PSME4: variants seen among roughly 807,000 people sequenced by gnomAD.
PSME4 encodes the protein proteasome activator subunit 4.
PSME4 carries 89 observed loss-of-function variants against 253.9 expected under a neutral mutation model. The ratio of observed to expected loss-of-function variants is 0.35; its 90% CI spans 0.30 to 0.42. The LOEUF is 0.42. Among genes scored for constraint, PSME4 ranks in the 10% least tolerant of loss-of-function variants. The pLI is 1.00. For synonymous variants in PSME4, 851 were observed against 759.2 expected, an observed-to-expected ratio of 1.12 and a Z score of -1.99; for missense variants, 2,014 against 2,195.2, an observed-to-expected ratio of 0.92 and a Z score of 1.65.
chr2:53,875,031 T>G (rs1182476902), intron 42 of PSME4, among the ~76,000 whole-genome samples: 1 of 152,200 alleles, frequency 6.6e-6, no homozygotes. Flanking sequence ...CCTCTGAGGA[T>G]GGCACATTAT....
intron 3 of PSME4, 97 bp from the exon 4 acceptor site, chr2:53,940,097 G>T: frequency 1.1e-6 from 1 of 949,190 alleles, no homozygotes; most frequent in South Asian, 2.1e-5. Context: ...CACACATTCA[G>T]GTATTATTTG....
chr2:53,883,121 G>T (rs1679473619), intron 41 of PSME4, among the ~76,000 whole-genome samples: 1 of 152,056 alleles, frequency 6.6e-6, no homozygotes, highest in African/African-American at 2.4e-5. Context: ...CTCTCAAAAG[G>T]CATTTATTTC....
At position 53,948,514 on chromosome 2, in the gene PSME4, G is replaced by C; in HGVS notation, c.407C>G (p.Ala136Gly). 1 of 1,611,940 alleles carries C rather than the reference G, an allele frequency of 6.2e-7. No individual in the cohort carries two copies. Among genetic ancestry groups the C allele is most frequent in the Non-Finnish European group, 8.5e-7 (1 of 1,178,272 alleles). ...LLKKKELLSR[A>G]DLELPWRPLY... ...TGGTCTCCAGGGTAACTCCAAATCA[G>C]CTCTTGAAAGAAGTTCCTTTTTCCT... The change falls in exon 3 of 47, where the codon GCT becomes GGT. Residue 136 changes from alanine (A) to glycine (G), a missense_variant. Ala to Gly is a moderately conservative substitution (Grantham distance 60). This residue lies in a region of PSME4 where 615 missense variants were observed against 594.4 expected (regional missense o/e 1.03). Transcript: ENST00000404125.
chr2:53,950,543 GA>G (rs1302964032), intron 1 of PSME4, among the ~76,000 whole-genome samples: 1 of 152,042 alleles, frequency 6.6e-6, no homozygotes, highest in African/African-American at 2.4e-5. Flanking sequence ...GCAAATTTAA[GA>G]AAAAGGTGTC....
chr2:53,923,284 G>C, intron 15 of PSME4, 37 bp downstream of exon 15: 6 of 1,563,128 alleles, frequency 3.8e-6, no homozygotes, highest in South Asian at 1.2e-5. Flanking sequence ...GTTGATTGTT[G>C]AGTCATTAAT....
rs976432635 is a variant in PSME4, at chr2:53,910,153, G to T, written c.2517-23C>A. 7.6e-6 allele frequency: 12 copies of T among 1,582,422 alleles called. No homozygotes were observed. In the African/African-American group the frequency reaches 1.2e-4, roughly 16 times the overall value. ...ACTCTGTATAAAAACAAGAGTGCTT[G>T]CATTTATTAATAATACCAATATGAA... On this transcript the variant is annotated intron_variant, in intron 20 of 46. Transcript: ENST00000404125.
chr2:53,965,858 G>C (rs1190860559), intron 1 of PSME4, among the ~76,000 whole-genome samples: 1 of 151,894 alleles, frequency 6.6e-6, no homozygotes, highest in Non-Finnish European at 1.5e-5. Flanking sequence ...ATTTTCAGCA[G>C]AGACGGGGTT....
chr2:53,960,271 C>A (rs753380369), intron 1 of PSME4, among the ~76,000 whole-genome samples: 1 of 151,900 alleles, frequency 6.6e-6, no homozygotes, highest in Admixed American at 6.6e-5. Context: ...TGGTGGCGGG[C>A]GCCTGTAATC....
chr2:53,886,086 C>G (rs1239360127), intron 40 of PSME4, among the ~76,000 whole-genome samples: 1 of 152,036 alleles, frequency 6.6e-6, no homozygotes, highest in East Asian at 1.9e-4. Context: ...AAATAAAGAA[C>G]TAAAACTCAA....
At chr2:53,867,997 G>A (rs987127897) in intron 44 of PSME4, among the ~76,000 whole-genome samples, 2 of 152,112 alleles carry the variant, frequency 1.3e-5, no homozygotes, top group African/African-American at 2.4e-5. Context: ...CAATAAAGGT[G>A]TGTGTATTCA....
chr2:53,957,432 C>A (rs1670286941), intron 1 of PSME4, among the ~76,000 whole-genome samples: 1 of 152,130 alleles, frequency 6.6e-6, no homozygotes, highest in Non-Finnish European at 1.5e-5. Flanking sequence ...GAGACAGTGA[C>A]AGATCATCAG....
intron 12 of PSME4, among the ~76,000 whole-genome samples, 200 bp downstream of exon 12, chr2:53,927,194 G>A (rs1325556864): frequency 6.6e-6 from 1 of 152,186 alleles, no homozygotes; most frequent in East Asian, 1.9e-4. Context: ...TATAGAAACA[G>A]CCTATTTTTG....
chr2:53,950,335 TATC>T lies in PSME4; in HGVS notation c.243-1055_243-1053del, dbSNP rs368502799. On this transcript the variant is annotated intron_variant, in intron 1 of 46. Coordinates refer to ENST00000404125, the MANE Select transcript of PSME4 (RefSeq NM_014614.3). ...AATAAGTATCTTATGGTAACTGAGT[TATC>T]ATCAATATCTAATGACCAATTAAAA... 1.3e-3 allele frequency among the ~76,000 whole-genome samples: 196 copies of T among 152,118 alleles called. 5 individuals carry two copies. In the South Asian group the frequency reaches 0.039, roughly 30 times the overall value.
intron 14 of PSME4, among the ~76,000 whole-genome samples, chr2:53,923,913 C>CAAAAAAAAAAAAAAA (rs199929436): frequency 3.1e-5 from 3 of 96,876 alleles, no homozygotes; most frequent in Admixed American, 1.2e-4. Flanking sequence ...ACAGAGTTAA[C>CAAAAAAAAAAAAAAA]AAAAAAAAAA....
In PSME4 at chr2:53,925,803, T is replaced by G. The variant is rs1668531780; in HGVS notation, c.1659-114A>C. The G allele has an allele frequency of 2.4e-6, 3 of 1,266,270 alleles. 1 individual carries two copies. The Middle Eastern group carries it at 5.8e-4, about 243-fold the overall frequency. 78.4% of individuals were successfully genotyped at this position (1,266,270 alleles called of 1,614,324 possible). A position where few individuals can be genotyped will look rare whatever the true frequency, so the allele number is the denominator to read the frequency against. On this transcript the variant is annotated intron_variant, in intron 13 of 46. Coordinates refer to ENST00000404125, the MANE Select transcript of PSME4 (RefSeq NM_014614.3). The stretch of plus-strand genomic sequence containing the variant: ...TTATTCAAGTGATAGCTACTTAATT[T>G]CTACGTGGTTCACAAATCGATTATC...
chr2:53,902,225 T>C (rs1187728988), intron 27 of PSME4, among the ~76,000 whole-genome samples: 1 of 152,248 alleles, frequency 6.6e-6, no homozygotes, highest in Non-Finnish European at 1.5e-5. Context: ...GTCTGAAGTT[T>C]GGTGTTTGAA....
intron 20 of PSME4, among the ~76,000 whole-genome samples, chr2:53,914,532 AC>A (rs1346167661): frequency 6.6e-6 from 1 of 152,212 alleles, no homozygotes; most frequent in Admixed American, 6.5e-5. Flanking sequence ...ATCCTTAATT[AC>A]CCACAATTAC....
intron 43 of PSME4, among the ~76,000 whole-genome samples, chr2:53,871,969 G>A (rs1164832066): frequency 1.3e-5 from 2 of 152,182 alleles, no homozygotes; most frequent in African/African-American, 4.8e-5. Flanking sequence ...AGCCGAGATC[G>A]CACCACTGCA....
At chr2:53,924,258 A>T (rs1668460548) in intron 14 of PSME4, among the ~76,000 whole-genome samples, 1 of 152,200 alleles carries the variant, frequency 6.6e-6, no homozygotes, top group Admixed American at 6.5e-5. Context: ...TAAATAAGAG[A>T]TGATTTGTGT....
Sources: gnomAD v4.1 joint callset for allele counts (sites outside exome capture counted in the v4.1 genomes callset) on GRCh38, gnomAD v4.1.1 for gene constraint, gnomAD v4.1.1 regional missense constraint, MANE v1.5 for transcripts, NCBI Gene and HGNC (gene_info 2026-07-23, HGNC 2026-07-21) for gene names.